Variants in FBXW11 observed in about 807,000 individuals in gnomAD.
FBXW11 encodes F-box/WD repeat-containing protein 11.
In FBXW11, 19 loss-of-function variants were observed where a neutral mutation model predicts 77.6. That is an observed-to-expected ratio of 0.24 (90% CI 0.17 to 0.36). The LOEUF (loss-of-function observed/expected upper bound fraction) is 0.36, where lower values mean the gene tolerates loss of function less well. Among genes scored for constraint, FBXW11 ranks in the 10% least tolerant of loss-of-function variants. The probability of loss-of-function intolerance (pLI) is 1.00; values close to 1 mark genes in which losing one functional copy is unlikely to be tolerated. For missense variants in FBXW11, 334 were observed against 704.2 expected (o/e 0.47, Z 5.95); for synonymous variants, 235 against 249.4 (o/e 0.94, Z 0.54).
At chr5:171,932,917 G>C (rs1287712457) in intron 2 of FBXW11, among the ~76,000 whole-genome samples, 1 of 123,096 alleles carries the variant, frequency 8.1e-6, no homozygotes, top group African/African-American at 3.2e-5. Flanking sequence ...CAGGACTTGA[G>C]ACCAGACTGA....
At chr5:171,892,890 G>T (rs567706331) in intron 6 of FBXW11, among the ~76,000 whole-genome samples, 1 of 152,284 alleles carries the variant, frequency 6.6e-6, no homozygotes, top group African/African-American at 2.4e-5. Context: ...TATTTGCTTT[G>T]TTGAAGGAGT....
At chr5:171,960,376 A>G (rs752505289) in intron 1 of FBXW11, among the ~76,000 whole-genome samples, 6 of 152,196 alleles carry the variant, frequency 3.9e-5, no homozygotes, top group Non-Finnish European at 8.8e-5. Context: ...TCCTGTCTCA[A>G]CAACAACAAC....
chr5:171,901,644 T>C (rs903934378), intron 4 of FBXW11, among the ~76,000 whole-genome samples: 1 of 152,166 alleles, frequency 6.6e-6, no homozygotes, highest in African/African-American at 2.4e-5. Context: ...CTTCATCTGA[T>C]AGTCATATCA....
At chr5:171,945,546 T>C (rs1245538605) in intron 2 of FBXW11, among the ~76,000 whole-genome samples, 1 of 152,184 alleles carries the variant, frequency 6.6e-6, no homozygotes, top group Non-Finnish European at 1.5e-5. Flanking sequence ...AGATAATATA[T>C]GGGAAAGAGC....
At chr5:171,902,038 C>G (rs1215725497) in intron 4 of FBXW11, among the ~76,000 whole-genome samples, 1 of 152,206 alleles carries the variant, frequency 6.6e-6, no homozygotes, top group Non-Finnish European at 1.5e-5. Flanking sequence ...TCCAAGCTAG[C>G]ACTGATGCCG....
intron 2 of FBXW11, among the ~76,000 whole-genome samples, chr5:171,917,287 G>C (rs1373533106): frequency 6.6e-6 from 1 of 152,142 alleles, no homozygotes; most frequent in Non-Finnish European, 1.5e-5. Flanking sequence ...CAGAGCTATT[G>C]TGACCTAAAC....
chr5:171,969,827 G>A (rs186002871), intron 1 of FBXW11, among the ~76,000 whole-genome samples: 8 of 152,128 alleles, frequency 5.3e-5, no homozygotes, highest in African/African-American at 1.7e-4. Context: ...TCAGCCTCCC[G>A]AGTAGAGCTG....
At chr5:171,974,951 C>T (rs1035396302) in intron 1 of FBXW11, among the ~76,000 whole-genome samples, 3 of 152,174 alleles carry the variant, frequency 2.0e-5, no homozygotes, top group African/African-American at 4.8e-5. Context: ...CGCGCCACCA[C>T]GCCCGGTTAA....
At chr5:171,885,082 G>A (rs1404283082) in intron 7 of FBXW11, among the ~76,000 whole-genome samples, 1 of 152,170 alleles carries the variant, frequency 6.6e-6, no homozygotes, top group African/African-American at 2.4e-5. Context: ...TGAGGGGGCT[G>A]GAGTTGTGTA....
chr5:171,875,432 G>C (rs969272984), intron 9 of FBXW11, among the ~76,000 whole-genome samples: 1 of 152,162 alleles, frequency 6.6e-6, no homozygotes, highest in Non-Finnish European at 1.5e-5. Context: ...GTAGATGAGT[G>C]ATCACCAGGG....
At chr5:171,975,794 T>A (rs1764796974) in intron 1 of FBXW11, among the ~76,000 whole-genome samples, 1 of 152,154 alleles carries the variant, frequency 6.6e-6, no homozygotes, top group East Asian at 1.9e-4. Flanking sequence ...GAGAAACTCT[T>A]GGTGAATAAA....
In FBXW11 at chr5:171,878,025, T is replaced by C; in HGVS notation, c.957A>G (p.Ser319=). The C allele has an allele frequency of 1.2e-6, 2 of 1,613,134 alleles. No homozygotes were observed. Among genetic ancestry groups the C allele is most frequent in the Non-Finnish European group, 1.7e-6 (2 of 1,179,158 alleles). The change falls in exon 8 of 14, where the codon TCA becomes TCG. Residue 319 remains serine, a synonymous_variant. Transcript: ENST00000517395. ...YDERVIVTGS[S]DSTVRVWDVN... is the part of the protein sequence containing the mutation. ...AGATCACTCACCTCACCGTAGAATC[T>C]GAAGAGCCAGTTACAATGACACGCT...
chr5:171,985,698 T>TA (rs1310332497), intron 1 of FBXW11, among the ~76,000 whole-genome samples: 2 of 152,208 alleles, frequency 1.3e-5, no homozygotes, highest in East Asian at 1.9e-4. Context: ...GCCCAGGAAT[T>TA]AGAGGCTGCA....
At chr5:171,922,977 C>T (rs891227436) in intron 2 of FBXW11, among the ~76,000 whole-genome samples, 2 of 152,104 alleles carry the variant, frequency 1.3e-5, no homozygotes, top group African/African-American at 2.4e-5. Flanking sequence ...TGCAGTGGCA[C>T]AATCCCAGCT....
At chr5:171,997,147 G>T in intron 1 of FBXW11, 1 of 1,076,144 alleles carries the variant, frequency 9.3e-7, no homozygotes. Context: ...TGGAATGGTG[G>T]ATCTGAGGCA....
rs139817968 is a variant in FBXW11, at chr5:171,965,304, T to C, written c.46-7606A>G. ...ACTGTGGGAGGCCAAGGCAGGAGAT[T>C]ACTTGATGTCAGGAGTTTGAGACCA... On this transcript the variant is annotated intron_variant, in intron 1 of 13. Coordinates refer to ENST00000517395, the MANE Select transcript of FBXW11 (RefSeq NM_001378974.1). 1.4e-3 allele frequency among the ~76,000 whole-genome samples: 215 copies of C among 152,288 alleles called. 2 individuals carry two copies. The highest frequency in any genetic ancestry group is 4.9e-3 in the African/African-American group (204 of 41,566).
At chr5:171,970,668 C>A (rs1293409967) in intron 1 of FBXW11, among the ~76,000 whole-genome samples, 2 of 152,144 alleles carry the variant, frequency 1.3e-5, no homozygotes, top group African/African-American at 4.8e-5. Flanking sequence ...TACGCCCACA[C>A]AGAGATTTGG....
intron 1 of FBXW11, among the ~76,000 whole-genome samples, chr5:171,991,554 G>A (rs1765740557): frequency 6.6e-6 from 1 of 152,128 alleles, no homozygotes; most frequent in Non-Finnish European, 1.5e-5. Context: ...ACGCACTCAG[G>A]ACTCAAGACA....
intron 1 of FBXW11, among the ~76,000 whole-genome samples, chr5:171,993,964 A>T (rs775769620): frequency 4.6e-5 from 7 of 152,222 alleles, no homozygotes; most frequent in African/African-American, 1.2e-4. Context: ...TCTATGGGAC[A>T]GCACTGTACT....
Sources: gnomAD v4.1 joint callset for allele counts (sites outside exome capture counted in the v4.1 genomes callset) on GRCh38, gnomAD v4.1.1 for gene constraint, MANE v1.5 for transcripts, NCBI Gene and HGNC (gene_info 2026-07-23, HGNC 2026-07-21) for gene names.